TENM3: variants seen among roughly 807,000 people sequenced by gnomAD.
The protein encoded by TENM3 is teneurin transmembrane protein 3, also known as teneurin-3.
In TENM3, 63 loss-of-function variants were observed where a neutral mutation model predicts 255.1. The observed-to-expected ratio is 0.25, with a 90% CI of 0.20 to 0.30. The LOEUF is 0.30. TENM3 is among the 10% of genes least tolerant of loss of function. The probability of loss-of-function intolerance (pLI) is 1.00; values close to 1 mark genes in which losing one functional copy is unlikely to be tolerated. For synonymous variants in TENM3, 1,306 were observed against 1,322.3 expected (o/e 0.99, Z 0.27); for missense variants, 2,929 against 3,461.1 (o/e 0.85, Z 3.86).
At chr4:181,880,387 T>C in the TENM3 span, among the ~76,000 whole-genome samples, 3,536 of 152,246 alleles carry the variant, frequency 0.023, 49 homozygotes, top group Middle Eastern at 0.034. Flanking sequence ...ATAATAAATA[T>C]GCAAATGTTA....
chr4:182,756,947 A>G (rs1478303756), intron 22 of TENM3, among the ~76,000 whole-genome samples: 3 of 152,196 alleles, frequency 2.0e-5, no homozygotes, highest in African/African-American at 7.2e-5. Flanking sequence ...TAGATTGCCA[A>G]CGAAGCAAAA....
intron 6 of TENM3, among the ~76,000 whole-genome samples, chr4:182,669,187 G>A (rs893457669): frequency 6.6e-6 from 1 of 152,130 alleles, no homozygotes; most frequent in African/African-American, 2.4e-5. Flanking sequence ...TCATGTAGAA[G>A]TCAACCAAAA....
chr4:182,252,488 A>C (rs1758084315), intron 1 of TENM3, among the ~76,000 whole-genome samples: 2 of 152,218 alleles, frequency 1.3e-5, no homozygotes, highest in Non-Finnish European at 2.9e-5. Flanking sequence ...TAAAGAATGC[A>C]ATAAACATAA....
the TENM3 span, among the ~76,000 whole-genome samples, chr4:182,059,757 A>AAAG: frequency 1.1e-4 from 14 of 131,778 alleles, no homozygotes; most frequent in African/African-American, 5.5e-4. Context: ...AAAAAAAAAA[A>AAAG]AAAAAGAAAA....
the TENM3 span, among the ~76,000 whole-genome samples, chr4:181,847,270 CT>C: frequency 3.9e-5 from 6 of 152,186 alleles, no homozygotes; most frequent in Admixed American, 2.6e-4. Context: ...GTAATTTTCA[CT>C]GGTTAAATTT....
chr4:182,775,710 T>C (rs1579455501), intron 24 of TENM3, among the ~76,000 whole-genome samples: 2 of 152,282 alleles, frequency 1.3e-5, no homozygotes, highest in African/African-American at 2.4e-5. Context: ...CAGGACTTCA[T>C]CAAAAGACAC....
At chr4:181,699,718 T>C in the TENM3 span, among the ~76,000 whole-genome samples, 1 of 152,120 alleles carries the variant, frequency 6.6e-6, no homozygotes, top group African/African-American at 2.4e-5. Flanking sequence ...TTTGTTTCCT[T>C]TTGTAACAAA....
chr4:182,498,576 G>A (rs370106923), intron 3 of TENM3, among the ~76,000 whole-genome samples: 2 of 152,080 alleles, frequency 1.3e-5, no homozygotes, highest in Non-Finnish European at 2.9e-5. Context: ...GATCTTGGCC[G>A]GGCGTGGTGT....
At chr4:182,018,936 T>A in the TENM3 span, among the ~76,000 whole-genome samples, 1 of 151,876 alleles carries the variant, frequency 6.6e-6, no homozygotes, top group Admixed American at 6.6e-5. Context: ...ATCCAATGAG[T>A]AGGGGGCACT....
At chr4:181,448,559 T>A in the TENM3 span, among the ~76,000 whole-genome samples, 1 of 152,112 alleles carries the variant, frequency 6.6e-6, no homozygotes, top group Non-Finnish European at 1.5e-5. Flanking sequence ...AAGATAAATG[T>A]CACCAGGAAA....
At chr4:181,900,528 C>G in the TENM3 span, among the ~76,000 whole-genome samples, 1 of 152,108 alleles carries the variant, frequency 6.6e-6, no homozygotes, top group Admixed American at 6.6e-5. Flanking sequence ...TATATAGCTC[C>G]AGTTCACAAC....
At chr4:182,061,293 G>T in the TENM3 span, among the ~76,000 whole-genome samples, 1 of 152,078 alleles carries the variant, frequency 6.6e-6, no homozygotes, top group African/African-American at 2.4e-5. Context: ...AGCAGAGTTC[G>T]CATGACTTTG....
intron 3 of TENM3, among the ~76,000 whole-genome samples, chr4:182,457,558 C>CTTTTTTTTTT (rs768197836): frequency 4.3e-5 from 5 of 115,224 alleles, no homozygotes; most frequent in Non-Finnish European, 8.5e-5. Context: ...TCATGTATAT[C>CTTTTTTTTTT]TTTTTTTTTT....
At chr4:181,678,842 A>AAC in the TENM3 span, among the ~76,000 whole-genome samples, 4,691 of 40,488 alleles carry the variant, frequency 0.12, 218 homozygotes, top group African/African-American at 0.28. Context: ...TGTTTTAAAC[A>AAC]AAAAAAAAAA....
chr4:182,754,581 C>T lies in TENM3; in HGVS notation c.4214C>T (p.Ala1405Val), dbSNP rs561979651. The T allele has an allele frequency of 6.2e-5, 100 of 1,613,990 alleles. 2 individuals carry two copies. The South Asian group carries it at 1.1e-3, about 17-fold the overall frequency. Reference protein sequence around the residue: ...KHAVQTTLESATAIAVSYSGV... With the variant: ...KHAVQTTLESVTAIAVSYSGV... ...GCGGTGCAGACAACACTGGAATCAGCCACTGCCATTGCTGTGTCCTACAGT... is the reference window on the plus strand; with the variant it reads ...GCGGTGCAGACAACACTGGAATCAGTCACTGCCATTGCTGTGTCCTACAGT... The change falls in exon 22 of 28, where the codon GCC (alanine) becomes GTC (valine). Residue 1405 changes from alanine to valine, a missense_variant. Physicochemically the swap from Ala to Val is moderately conservative, Grantham distance 64. Transcript: ENST00000511685. The surrounding 1 kb of genome is among the most constrained non-coding windows in gnomAD (Gnocchi z 5.1).
the TENM3 span, among the ~76,000 whole-genome samples, chr4:181,638,365 G>T: frequency 1.3e-5 from 2 of 152,346 alleles, no homozygotes; most frequent in Admixed American, 6.5e-5. Flanking sequence ...GGCCGTGAAA[G>T]TTGTGAAGTT....
At chr4:181,718,703 A>AT in the TENM3 span, among the ~76,000 whole-genome samples, 3 of 151,634 alleles carry the variant, frequency 2.0e-5, no homozygotes, top group African/African-American at 7.3e-5. Flanking sequence ...GTAATCTCAC[A>AT]TTTTTTTTCT....
intron 1 of TENM3, among the ~76,000 whole-genome samples, chr4:182,269,616 T>C (rs1759481830): frequency 6.6e-6 from 1 of 151,988 alleles, no homozygotes; most frequent in African/African-American, 2.4e-5. Flanking sequence ...CCATCTGAGG[T>C]TCAAAACTAA....
the TENM3 span, among the ~76,000 whole-genome samples, chr4:181,656,368 G>A: frequency 2.0e-5 from 3 of 152,188 alleles, no homozygotes; most frequent in Admixed American, 6.5e-5. Context: ...ATGCAAGAGA[G>A]TAACATGAAG....
Sources: gnomAD v4.1 joint callset for allele counts (sites outside exome capture counted in the v4.1 genomes callset) on GRCh38, gnomAD v4.1.1 for gene constraint, Gnocchi (gnomAD v3.1) non-coding constraint, MANE v1.5 for transcripts, NCBI Gene and HGNC (gene_info 2026-07-23, HGNC 2026-07-21) for gene names.